Variants in TTC21A observed in about 807,000 individuals in gnomAD.
TTC21A encodes the protein tetratricopeptide repeat protein 21A.
A neutral mutation model predicts 156.4 loss-of-function variants in TTC21A; 128 were observed. The observed-to-expected ratio is 0.82, with a 90% CI of 0.71 to 0.95. TTC21A has a LOEUF of 0.95. Ranked by LOEUF, TTC21A falls within the 40% of genes least tolerant of loss-of-function variation. The pLI is 0.00. For missense variants in TTC21A, 1,435 were observed against 1,602.3 expected, an observed-to-expected ratio of 0.90 and a Z score of 1.78; for synonymous variants, 587 against 617.1, an observed-to-expected ratio of 0.95 and a Z score of 0.72.
chr3:39,125,560 G>A (rs1321388202), intron 11 of TTC21A, 28 bp downstream of exon 11: 1 of 1,523,396 alleles, frequency 6.6e-7, no homozygotes, highest in South Asian at 1.1e-5. Context: ...CTTCATGGTG[G>A]GGGTCTGGAG....
At chr3:39,132,682 G>A (rs1028156847) in intron 19 of TTC21A, 3 of 244,240 alleles carry the variant, frequency 1.2e-5, no homozygotes, top group Non-Finnish European at 2.4e-5. Context: ...ATTCCCAGCA[G>A]GGAGGCATAC....
chr3:39,117,371 C>T (rs1248003857), intron 6 of TTC21A, among the ~76,000 whole-genome samples: 2 of 152,062 alleles, frequency 1.3e-5, no homozygotes, highest in Non-Finnish European at 2.9e-5. Context: ...AAAGTCATTC[C>T]CTGATAGGCT....
chr3:39,112,681 T>C, intron 5 of TTC21A, 101 bp downstream of exon 5: 1 of 1,510,202 alleles, frequency 6.6e-7, no homozygotes, highest in East Asian at 2.4e-5. Context: ...AGTCTCCAGA[T>C]GCCTCATCTC....
intron 9 of TTC21A, among the ~76,000 whole-genome samples, 155 bp downstream of exon 9, chr3:39,121,344 AC>A (rs1215310985): frequency 1.3e-5 from 2 of 152,210 alleles, no homozygotes; most frequent in Admixed American, 1.3e-4. Context: ...CTGGGAATCC[AC>A]AAGTATAGAT....
At chr3:39,124,670 A>AAAAAAAAAAAAAAAAAAAAT (rs2038066805) in intron 9 of TTC21A, among the ~76,000 whole-genome samples, 1 of 151,076 alleles carries the variant, frequency 6.6e-6, no homozygotes, top group Non-Finnish European at 1.5e-5. Flanking sequence ...AAAAAAAAAA[A>AAAAAAAAAAAAAAAAAAAAT]AAAGCAGATT....
At chr3:39,117,559 T>C (rs1045268864) in intron 6 of TTC21A, among the ~76,000 whole-genome samples, 2 of 152,208 alleles carry the variant, frequency 1.3e-5, no homozygotes, top group Non-Finnish European at 2.9e-5. Flanking sequence ...CATGGTCATG[T>C]CTGGTTAGTT....
At chr3:39,135,870 C>T (rs1044781398) in intron 22 of TTC21A, among the ~76,000 whole-genome samples, 11 of 152,064 alleles carry the variant, frequency 7.2e-5, no homozygotes, top group East Asian at 5.8e-4. Flanking sequence ...CCTGGCTACA[C>T]GGTGAAACCC....
rs754111749 is a variant in TTC21A, at chr3:39,130,335, G to A, written c.2296G>A (p.Val766Met). ...SLASRIGHAY[V>M]KAHQYTEAIE... Reference sequence around the variant, plus strand: ...GGCCAGCAGAATTGGGCACGCTTATGTGAAGGCCCACCAGTATACTGAGGT... The same window carrying A: ...GGCCAGCAGAATTGGGCACGCTTATATGAAGGCCCACCAGTATACTGAGGT... The change falls in exon 17 of 29, where the codon GTG (valine) becomes ATG (methionine). Residue 766 changes from valine (V) to methionine (M), a missense_variant. Coordinates refer to ENST00000683103, the MANE Select transcript of TTC21A (RefSeq NM_001366900.1). This position sits in a 1 kb window ranked among gnomAD's most constrained non-coding sequence, Gnocchi z 4.5. The A allele has an allele frequency of 1.9e-6, 3 of 1,613,384 alleles. No individual in the cohort carries two copies. The South Asian group carries it at 3.3e-5, about 18-fold the overall frequency.
rs1374731227 is a variant in TTC21A at position 39,107,815 on chromosome 3, C to T, written c.-23C>T. The T allele has an allele frequency of 6.2e-7, 1 of 1,612,402 alleles. No homozygotes were observed. Among genetic ancestry groups the T allele is most frequent in the Non-Finnish European group, 8.5e-7 (1 of 1,179,986 alleles). The stretch of plus-strand genomic sequence containing the variant: ...TCTGCACCGCCCCACCAGACCCGGA[C>T]TCGGAGCCGCGAGCGGCCCGAGATG... On this transcript the variant is annotated 5_prime_UTR_variant, in exon 1 of 29. Coordinates refer to ENST00000683103, the MANE Select transcript of TTC21A (RefSeq NM_001366900.1).
chr3:39,112,711 C>T, intron 5 of TTC21A, 131 bp downstream of exon 5: 1 of 1,406,392 alleles, frequency 7.1e-7, no homozygotes, highest in African/African-American at 1.4e-5. Flanking sequence ...GAGCAGAGGC[C>T]CAGAGAGGTT....
At chr3:39,138,448 C>T in intron 27 of TTC21A, 61 bp downstream of exon 27, 2 of 1,613,174 alleles carry the variant, frequency 1.2e-6, no homozygotes, top group South Asian at 1.1e-5. Context: ...CAGGAGGGCC[C>T]CCACCATGAC....
chr3:39,109,056 C>A (rs1248462188), intron 1 of TTC21A, 29 bp from the exon 2 acceptor site: 4 of 1,609,344 alleles, frequency 2.5e-6, no homozygotes. Flanking sequence ...AGGGACTGGG[C>A]TATTGCAGTT....
chr3:39,109,879 G>C, intron 2 of TTC21A, 150 bp from the exon 3 acceptor site: 1 of 615,590 alleles, frequency 1.6e-6, no homozygotes, highest in Non-Finnish European at 2.9e-6. Flanking sequence ...CTTTCAAAGA[G>C]CCCCAATCTT....
chr3:39,130,240 C>G lies in TTC21A; in HGVS notation c.2209-8C>G. 3 of 1,612,762 alleles carry G rather than the reference C, an allele frequency of 1.9e-6. No individual in the cohort carries two copies. Among genetic ancestry groups the G allele is most frequent in the Non-Finnish European group, 2.5e-6 (3 of 1,179,218 alleles). On this transcript the variant is annotated splice_polypyrimidine_tract_variant and splice_region_variant and intron_variant, in intron 16 of 28. Transcript: ENST00000683103. This position sits in a 1 kb window ranked among gnomAD's most constrained non-coding sequence, Gnocchi z 4.5. ...AAGAGGAAGACCCAAAGACACTTTCCCCACCAGCCCGAGAAGGCCCTGGAG... is the reference window on the plus strand; with the variant it reads ...AAGAGGAAGACCCAAAGACACTTTCGCCACCAGCCCGAGAAGGCCCTGGAG...
At position 39,130,369 on chromosome 3, in the gene TTC21A, G is replaced by A. The variant is rs768044431; in HGVS notation, c.2319+11G>A. The A allele has an allele frequency of 3.9e-5, 63 of 1,605,642 alleles. No homozygotes were observed. In the Admixed American group the frequency reaches 5.4e-4, roughly 14 times the overall value. ...CACCAGTATACTGAGGTCAGGCTGG[G>A]CTAGGGTGTGAAGGGGCAGGGAGGG... On this transcript the variant is annotated intron_variant, in intron 17 of 28. Coordinates refer to ENST00000683103, the MANE Select transcript of TTC21A (RefSeq NM_001366900.1). This position sits in a 1 kb window ranked among gnomAD's most constrained non-coding sequence, Gnocchi z 4.5.
In TTC21A at chr3:39,130,997, G is replaced by C; in HGVS notation, c.2464G>C (p.Asp822His). 6.2e-7 allele frequency: 1 copy of C among 1,613,824 alleles called. No homozygotes were observed. Among genetic ancestry groups the C allele is most frequent in the East Asian group, 2.2e-5 (1 of 44,882 alleles). ...KQALEHDIVQ[D>H]IPSMMNDVKC... is the part of the protein sequence containing the mutation. ...TTTGAGTTTCCATTTAACAGTCCAA[G>C]ACATCCCATCCATGATGAATGATGT... Residue 822 changes from aspartate (D) to histidine (H), a missense_variant, in exon 19 of 29, where the codon GAC becomes CAC. Transcript: ENST00000683103. This position sits in a 1 kb window ranked among gnomAD's most constrained non-coding sequence, Gnocchi z 4.5.
At chr3:39,108,968 C>T (rs2036534717) in intron 1 of TTC21A, 117 bp from the exon 2 acceptor site, 9 of 1,184,732 alleles carry the variant, frequency 7.6e-6, no homozygotes, top group East Asian at 2.5e-5. Context: ...TTTCTCTTCC[C>T]TTTGCAGAAC....
At chr3:39,107,999 C>A in intron 1 of TTC21A, 135 bp downstream of exon 1, 1 of 1,091,062 alleles carries the variant, frequency 9.2e-7, no homozygotes, top group Non-Finnish European at 1.3e-6. Context: ...TTTCTTGCCC[C>A]ACTCCCCCTG....
Position 39,134,778 on chromosome 3 carries a change from T to G in TTC21A, c.2863-315T>G. ...CTCTATTGCCTGGCAGTTCTCAGAA[T>G]GGGTGGAGAGGCTTCCCCTGTAGGC... On this transcript the variant is annotated intron_variant, in intron 21 of 28. Transcript: ENST00000683103. The surrounding 1 kb of genome is among the most constrained non-coding windows in gnomAD (Gnocchi z 4.6). 2.0e-6 allele frequency: 1 copy of G among 512,142 alleles called. No individual in the cohort carries two copies. The highest frequency in any genetic ancestry group is 2.3e-5 in the South Asian group (1 of 43,422). 31.7% of individuals were successfully genotyped at this position (512,142 alleles called of 1,614,324 possible).
Sources: gnomAD v4.1 joint callset for allele counts (sites outside exome capture counted in the v4.1 genomes callset) on GRCh38, gnomAD v4.1.1 for gene constraint, Gnocchi (gnomAD v3.1) non-coding constraint, MANE v1.5 for transcripts, NCBI Gene and HGNC (gene_info 2026-07-23, HGNC 2026-07-21) for gene names.